MDGA2: variants seen among roughly 807,000 people sequenced by gnomAD.
MDGA2 encodes MAM domain containing glycosylphosphatidylinositol anchor 2, also known as MAM domain-containing glycosylphosphatidylinositol anchor protein 2.
Under a neutral mutation model 117.8 loss-of-function variants are expected in MDGA2, and 40 were observed. That is an observed-to-expected ratio of 0.34 (90% confidence interval 0.26 to 0.44). The LOEUF (loss-of-function observed/expected upper bound fraction) is 0.44. Ranked by LOEUF, MDGA2 falls within the 20% of genes least tolerant of loss-of-function variation. The probability of loss-of-function intolerance (pLI) is 1.00; values close to 1 mark genes in which losing one functional copy is unlikely to be tolerated. For synonymous variants in MDGA2, 452 were observed against 439.0 expected (o/e 1.03, Z -0.37); for missense variants, 1,123 against 1,250.6 (o/e 0.90, Z 1.54).
intron 8 of MDGA2, among the ~76,000 whole-genome samples, chr14:47,009,428 T>C (rs1366546481): frequency 2.0e-5 from 3 of 152,058 alleles, no homozygotes; most frequent in African/African-American, 7.2e-5. Context: ...TTTACCTCAT[T>C]ACCTAATTAT....
At chr14:47,279,042 T>G (rs944832194) in intron 2 of MDGA2, among the ~76,000 whole-genome samples, 1 of 152,208 alleles carries the variant, frequency 6.6e-6, no homozygotes, top group Non-Finnish European at 1.5e-5. Context: ...TGCTAGTATA[T>G]AATGTTGCAA....
At position 47,235,461 on chromosome 14, in the gene MDGA2, T is replaced by TA. The variant is rs539157450; in HGVS notation, c.421-17267dup. On this transcript the variant is annotated intron_variant, in intron 2 of 16. Coordinates refer to ENST00000399232, the MANE Select transcript of MDGA2 (RefSeq NM_001113498.3). ...CAGACAGTGTAGGCAGAGGGGATCT[T>TA]AAAAACCTTTCTGTTCCTCACAATC... is the stretch of plus-strand genomic sequence containing the variant. Among the ~76,000 whole-genome samples the TA allele has an allele frequency of 2.2e-3, 337 of 152,314 alleles. 2 individuals carry two copies. The highest frequency in any genetic ancestry group is 7.6e-3 in the African/African-American group (317 of 41,574).
Position 47,298,284 on chromosome 14 carries a change from T to C in MDGA2, c.420+3127A>G, listed in dbSNP as rs1889146292. Reference sequence around the variant, plus strand: ...GACCTCTCCTTCACTTGTTTCATTTTCTTTGGATACATCAATACTCTCAGG... The same window carrying C: ...GACCTCTCCTTCACTTGTTTCATTTCCTTTGGATACATCAATACTCTCAGG... On this transcript the variant is annotated intron_variant, in intron 2 of 16. Transcript: ENST00000399232. Among the ~76,000 whole-genome samples, 3 of 152,272 alleles carry C rather than the reference T, an allele frequency of 2.0e-5. No homozygotes were observed. The South Asian group carries it at 6.2e-4, about 32-fold the overall frequency.
At chr14:46,863,541 T>C (rs574433185) in intron 14 of MDGA2, among the ~76,000 whole-genome samples, 1 of 152,210 alleles carries the variant, frequency 6.6e-6, no homozygotes, top group Admixed American at 6.5e-5. Context: ...AGTTTTAAAG[T>C]TTGGTACACT....
chr14:47,667,821 C>CA (rs1898003116), intron 1 of MDGA2, among the ~76,000 whole-genome samples: 1 of 152,014 alleles, frequency 6.6e-6, no homozygotes, highest in South Asian at 2.1e-4. Flanking sequence ...CAAAACAAGA[C>CA]AAAAAATATA....
intron 9 of MDGA2, among the ~76,000 whole-genome samples, chr14:46,925,006 C>T (rs1884273541): frequency 6.6e-6 from 1 of 152,106 alleles, no homozygotes; most frequent in Non-Finnish European, 1.5e-5. Context: ...GAGGCCACCA[C>T]CTATGACTAA....
chr14:47,585,450 A>G (rs1322684649), intron 1 of MDGA2, among the ~76,000 whole-genome samples: 2 of 151,962 alleles, frequency 1.3e-5, no homozygotes, highest in Admixed American at 6.6e-5. Context: ...TATAAAATTG[A>G]GTAATAACAA....
At chr14:47,601,398 T>A (rs1896645045) in intron 1 of MDGA2, among the ~76,000 whole-genome samples, 1 of 151,822 alleles carries the variant, frequency 6.6e-6, no homozygotes, top group Non-Finnish European at 1.5e-5. Context: ...AGCAAATTTT[T>A]TTAAAAAAAA....
chr14:47,631,678 C>T (rs1897250387), intron 1 of MDGA2, among the ~76,000 whole-genome samples: 1 of 152,150 alleles, frequency 6.6e-6, no homozygotes, highest in Non-Finnish European at 1.5e-5. Context: ...ATTTTCCTTT[C>T]CCAATTGTTT....
rs140940236 is a variant in MDGA2 at position 46,987,482 on chromosome 14, T to C, written c.1820-29839A>G. 3.3e-5 allele frequency among the ~76,000 whole-genome samples: 5 copies of C among 152,208 alleles called. No individual in the cohort carries two copies. The East Asian group carries it at 9.6e-4, about 29-fold the overall frequency. On this transcript the variant is annotated intron_variant, in intron 8 of 16. Transcript: ENST00000399232. Reference sequence around the variant, plus strand: ...CAGCTTTATAGGTATTCCTCCTTTATGCAGAGGGCAGAAGGCCTGTGTTCT... The same window carrying C: ...CAGCTTTATAGGTATTCCTCCTTTACGCAGAGGGCAGAAGGCCTGTGTTCT...
At chr14:47,272,124 T>C (rs1888165270) in intron 2 of MDGA2, among the ~76,000 whole-genome samples, 1 of 152,104 alleles carries the variant, frequency 6.6e-6, no homozygotes. Context: ...AGTGTTAAAA[T>C]GAAATTTAAG....
intron 9 of MDGA2, among the ~76,000 whole-genome samples, chr14:46,936,515 C>T (rs1053166000): frequency 6.6e-6 from 1 of 151,790 alleles, no homozygotes; most frequent in Non-Finnish European, 1.5e-5. Flanking sequence ...GCATATATAA[C>T]CAAACAAGGG....
intron 3 of MDGA2, among the ~76,000 whole-genome samples, chr14:47,213,283 C>T (rs1885952648): frequency 6.6e-6 from 1 of 152,110 alleles, no homozygotes; most frequent in Non-Finnish European, 1.5e-5. Flanking sequence ...CCCCAGATTT[C>T]CATTGTGCGG....
chr14:46,847,549 AG>A (rs1483919631), intron 15 of MDGA2, among the ~76,000 whole-genome samples: 1 of 152,010 alleles, frequency 6.6e-6, no homozygotes, highest in African/African-American at 2.4e-5. Flanking sequence ...GTAACTGGGA[AG>A]TGGCTTTAAA....
chr14:47,176,701 G>C (rs867608014), intron 3 of MDGA2, among the ~76,000 whole-genome samples: 19 of 152,080 alleles, frequency 1.2e-4, no homozygotes, highest in Admixed American at 3.9e-4. Flanking sequence ...AAAAACCCTA[G>C]AAGAAAACCT....
intron 1 of MDGA2, among the ~76,000 whole-genome samples, chr14:47,584,198 T>A (rs937803828): frequency 2.0e-5 from 3 of 151,938 alleles, no homozygotes; most frequent in Non-Finnish European, 4.4e-5. Context: ...ATTTACTATG[T>A]ACCTTCTATT....
chr14:47,601,186 A>G (rs1200352975), intron 1 of MDGA2, among the ~76,000 whole-genome samples: 2 of 152,210 alleles, frequency 1.3e-5, no homozygotes, highest in Non-Finnish European at 2.9e-5. Flanking sequence ...AGTCAGGGCC[A>G]TCAGCTAAAT....
In MDGA2 at chr14:47,242,625, T is replaced by C. The variant is rs556107260; in HGVS notation, c.421-24430A>G. On this transcript the variant is annotated intron_variant, in intron 2 of 16. Transcript: ENST00000399232. ...GAGGGTGTACTGAGTCCCCCAGCAG[T>C]GCTGGCCCACCAGCGCTGCGCTCGA... Among the ~76,000 whole-genome samples the C allele has an allele frequency of 1.1e-3, 160 of 151,850 alleles. 6 individuals are homozygous for C. Among genetic ancestry groups the C allele is most frequent in the Non-Finnish European group, 1.9e-3 (127 of 67,740 alleles).
chr14:47,240,162 A>C lies in MDGA2; in HGVS notation c.421-21967T>G, dbSNP rs1019181171. ...CTGGTTCAAGCGATTCTCCTGCCTC[A>C]GCCTCCTCAGTAGCTGGGATTACAG... On this transcript the variant is annotated intron_variant, in intron 2 of 16. Coordinates refer to ENST00000399232, the MANE Select transcript of MDGA2 (RefSeq NM_001113498.3). Among the ~76,000 whole-genome samples, 21 of 151,656 alleles carry C rather than the reference A, an allele frequency of 1.4e-4. 1 individual carries two copies. Among genetic ancestry groups the C allele is most frequent in the Non-Finnish European group, 2.4e-4 (16 of 67,718 alleles).
Sources: allele counts gnomAD v4.1 joint callset (sites outside exome capture counted in the v4.1 genomes callset), GRCh38; gene constraint gnomAD v4.1.1; transcripts MANE v1.5; gene names NCBI Gene and HGNC (gene_info 2026-07-23, HGNC 2026-07-21).